The following USP16 variants were observed in gnomAD, a reference collection of about 807,000 sequenced individuals.
USP16 encodes the protein ubiquitin specific peptidase 16.
USP16 carries 77 observed loss-of-function variants against 95.9 expected under a neutral mutation model. That is an observed-to-expected ratio of 0.80 (90% CI 0.67 to 0.97). The LOEUF is 0.97. Among genes scored for constraint, USP16 ranks in the 50% least tolerant of loss-of-function variants. The pLI is 0.00. For missense variants in USP16, 943 were observed against 959.9 expected (o/e 0.98, Z 0.23); for synonymous variants, 303 against 318.2 (o/e 0.95, Z 0.51).
intron 5 of USP16, 107 bp from the exon 6 acceptor site, chr21:29,037,169 G>C: frequency 1.6e-6 from 1 of 642,930 alleles, no homozygotes; most frequent in Non-Finnish European, 2.3e-6. Flanking sequence ...GGGTTGGAAA[G>C]AATGACTTCA....
At chr21:29,035,632 C>T (rs1228185718) in intron 4 of USP16, among the ~76,000 whole-genome samples, 2 of 152,094 alleles carry the variant, frequency 1.3e-5, no homozygotes. Flanking sequence ...ATCCGCATGC[C>T]TCAGCCTCCC....
intron 13 of USP16, among the ~76,000 whole-genome samples, chr21:29,043,966 T>A (rs2085283490): frequency 6.6e-6 from 1 of 152,162 alleles, no homozygotes; most frequent in Non-Finnish European, 1.5e-5. Flanking sequence ...GGAGTCTTGC[T>A]GTGTCGCCCA....
At chr21:29,053,462 G>A in intron 16 of USP16, 1 of 199,454 alleles carries the variant, frequency 5.0e-6, no homozygotes, top group Non-Finnish European at 1.0e-5. Context: ...TTTAAACAGG[G>A]TATTCAGAGT....
At chr21:29,035,534 C>T (rs975227841) in intron 4 of USP16, among the ~76,000 whole-genome samples, 10 of 151,606 alleles carry the variant, frequency 6.6e-5, no homozygotes, top group South Asian at 6.3e-4. Context: ...CCACCACGCC[C>T]GGCTAATTTT....
chr21:29,053,763 G>T, intron 16 of USP16, 39 bp from the exon 17 acceptor site: 1 of 1,598,152 alleles, frequency 6.3e-7, no homozygotes, highest in South Asian at 1.1e-5. Flanking sequence ...TGTGTAAATG[G>T]AACTAGAACT....
chr21:29,034,047 A>G lies in USP16; in HGVS notation c.241-790A>G, dbSNP rs1055814318. 4.6e-5 allele frequency among the ~76,000 whole-genome samples: 7 copies of G among 152,324 alleles called. No homozygotes were observed. In the East Asian group the frequency reaches 1.3e-3, roughly 29 times the overall value. On this transcript the variant is annotated intron_variant, in intron 3 of 17. Coordinates refer to ENST00000399976, the MANE Select transcript of USP16 (RefSeq NM_006447.3). ...GAATGTGGGAGTTAACACTGGAGAG[A>G]TATGTCGGGGTCAGAGGATGTCAGG...
chr21:29,034,846 A>G lies in USP16; in HGVS notation c.250A>G (p.Arg84Gly). 1 of 1,614,066 alleles carries G rather than the reference A, an allele frequency of 6.2e-7. No homozygotes were observed. Among genetic ancestry groups the G allele is most frequent in the Non-Finnish European group, 8.5e-7 (1 of 1,179,972 alleles). Residue 84 changes from arginine (R) to glycine (G), a missense_variant, in exon 4 of 18, where the codon AGA becomes GGA. Physicochemically the swap from Arg to Gly is moderately radical, Grantham distance 125. Coordinates refer to ENST00000399976, the MANE Select transcript of USP16 (RefSeq NM_006447.3). Reference sequence around the variant, plus strand: ...ATTATGATTTTTTTAGGGCTGTGGCAGAAATTCTCAGGAGCAGCATGCCTT... The same window carrying G: ...ATTATGATTTTTTTAGGGCTGTGGCGGAAATTCTCAGGAGCAGCATGCCTT... The part of the protein sequence containing the change: ...CLKCGHQGCG[R>G]NSQEQHALKH...
chr21:29,046,488 C>T (rs1034036295), intron 13 of USP16, among the ~76,000 whole-genome samples, 179 bp from the exon 14 acceptor site: 6 of 152,044 alleles, frequency 3.9e-5, no homozygotes, highest in Admixed American at 2.6e-4. Context: ...AGCAAAGGAA[C>T]TTTTTAGGAT....
chr21:29,030,709 A>C lies in USP16; in HGVS notation c.176A>C (p.Asp59Ala). The change falls in exon 3 of 18, where the codon GAT (aspartate) becomes GCT (alanine). Residue 59 changes from aspartate (D) to alanine (A), a missense_variant. Physicochemically the swap from Asp to Ala is moderately radical, Grantham distance 126 (BLOSUM62 -2). Coordinates refer to ENST00000399976, the MANE Select transcript of USP16 (RefSeq NM_006447.3). ...TGTAAGACTGACAATAAAGTGAAAG[A>C]TAAAGCTGAAGAAGAAACAGAAGAA... ...QDCKTDNKVK[D>A]KAEEETEEKP... The C allele has an allele frequency of 6.2e-7, 1 of 1,614,002 alleles. No individual in the cohort carries two copies. Among genetic ancestry groups the C allele is most frequent in the Middle Eastern group, 1.7e-4 (1 of 6,060 alleles).
chr21:29,037,208 C>T (rs2085171234), intron 5 of USP16, 68 bp from the exon 6 acceptor site: 1 of 1,040,016 alleles, frequency 9.6e-7, no homozygotes, highest in East Asian at 2.7e-5. Flanking sequence ...AGTACTGTTT[C>T]CCAAGTATAC....
At chr21:29,050,223 T>C (rs747717550) in intron 16 of USP16, 45 bp downstream of exon 16, 2 of 1,576,530 alleles carry the variant, frequency 1.3e-6, no homozygotes, top group African/African-American at 1.4e-5. Flanking sequence ...TAAAGTCAAA[T>C]TGTGGCTTAC....
At position 29,047,234 on chromosome 21, in the gene USP16, C is replaced by A. The variant is rs142178023; in HGVS notation, c.1924C>A (p.Arg642Ser). ...SIQHCLYQFT[R>S]NEKLRDANKL... The stretch of plus-strand genomic sequence containing the variant: ...CCAACATTGTTTATATCAGTTCACC[C>A]GTAATGAGAAACTTCGAGATGCGAA... Residue 642 changes from arginine (R) to serine (S), a missense_variant, in exon 14 of 18, where the codon CGT becomes AGT. Arg to Ser is a moderately radical substitution (Grantham distance 110). Coordinates refer to ENST00000399976, the MANE Select transcript of USP16 (RefSeq NM_006447.3). 1.2e-6 allele frequency: 2 copies of A among 1,614,058 alleles called. No individual in the cohort carries two copies. Among genetic ancestry groups the A allele is most frequent in the South Asian group, 2.2e-5 (2 of 91,052 alleles).
At chr21:29,049,422 T>C (rs576472009) in intron 15 of USP16, among the ~76,000 whole-genome samples, 4 of 152,306 alleles carry the variant, frequency 2.6e-5, no homozygotes, top group Admixed American at 1.3e-4. Flanking sequence ...CTAAGCTTGG[T>C]TTGAGCATGA....
rs1417854536 is a variant in USP16, at chr21:29,047,000, G to C, written c.1690G>C (p.Glu564Gln). The C allele has an allele frequency of 6.8e-6, 11 of 1,614,092 alleles. No individual in the cohort carries two copies. The highest frequency in any genetic ancestry group is 9.3e-6 in the Non-Finnish European group (11 of 1,180,024). Reference protein sequence around the residue: ...TRNLNGAYLTEGSNGEVDISN... With the variant: ...TRNLNGAYLTQGSNGEVDISN... Reference sequence around the variant, plus strand: ...GAATTTAAATGGTGCCTACCTAACGGAAGGGAGCAATGGAGAAGTGGACAT... The same window carrying C: ...GAATTTAAATGGTGCCTACCTAACGCAAGGGAGCAATGGAGAAGTGGACAT... The change falls in exon 14 of 18, where the codon GAA becomes CAA. Residue 564 changes from glutamate to glutamine, a missense_variant. Physicochemically the swap from Glu to Gln is conservative, Grantham distance 29. Coordinates refer to ENST00000399976, the MANE Select transcript of USP16 (RefSeq NM_006447.3).
In USP16 at chr21:29,039,670, G is replaced by T. The variant is rs191398227; in HGVS notation, c.951+102G>T. The T allele has an allele frequency of 1.0e-4, 116 of 1,155,388 alleles. No homozygotes were observed. In the African/African-American group the frequency reaches 1.7e-3, roughly 17 times the overall value. 71.6% of individuals were successfully genotyped at this position (1,155,388 alleles called of 1,614,324 possible). On this transcript the variant is annotated intron_variant, in intron 9 of 17. Transcript: ENST00000399976. ...AAAACAATGAAAGCTAGTTATTAAG[G>T]CCATCATACTTTAAAATTTTTTCTT...
At chr21:29,035,379 CTT>C (rs938059997) in intron 4 of USP16, among the ~76,000 whole-genome samples, 7 of 143,334 alleles carry the variant, frequency 4.9e-5, no homozygotes, top group Admixed American at 7.0e-5. Context: ...TGAATGACAT[CTT>C]TTTTTTTTTT....
At chr21:29,040,531 T>A in intron 9 of USP16, 78 bp from the exon 10 acceptor site, 1 of 536,062 alleles carries the variant, frequency 1.9e-6, no homozygotes, top group East Asian at 4.1e-5. Flanking sequence ...GATCACTTTC[T>A]TGACTTGATT....
intron 5 of USP16, among the ~76,000 whole-genome samples, chr21:29,036,685 A>G (rs1349587756): frequency 6.6e-6 from 1 of 152,244 alleles, no homozygotes; most frequent in Admixed American, 6.5e-5. Flanking sequence ...ACATTTTGTA[A>G]TAGCAAGATT....
intron 10 of USP16, among the ~76,000 whole-genome samples, chr21:29,041,143 C>G (rs761830489): frequency 1.1e-4 from 16 of 152,086 alleles, no homozygotes; most frequent in Non-Finnish European, 2.1e-4. Context: ...TGAAATGTGA[C>G]TGGTGAAACT....
Sources: gnomAD v4.1 joint callset for allele counts (sites outside exome capture counted in the v4.1 genomes callset) on GRCh38, gnomAD v4.1.1 for gene constraint, MANE v1.5 for transcripts, NCBI Gene and HGNC (gene_info 2026-07-23, HGNC 2026-07-21) for gene names.